SDK1: variants seen among roughly 807,000 people sequenced by gnomAD.
SDK1 encodes the protein sidekick cell adhesion molecule 1.
A neutral mutation model predicts 245.5 loss-of-function variants in SDK1; 157 were observed. The ratio of observed to expected loss-of-function variants is 0.64; its 90% CI spans 0.56 to 0.73. The LOEUF (loss-of-function observed/expected upper bound fraction) is 0.73, where lower values mean the gene tolerates loss of function less well. Among genes scored for constraint, SDK1 ranks in the 30% least tolerant of loss-of-function variants. The probability of loss-of-function intolerance (pLI) is 0.00; values close to 1 mark genes in which losing one functional copy is unlikely to be tolerated. For missense variants in SDK1, 3,583 were observed against 3,002.3 expected (o/e 1.19, Z -4.52); for synonymous variants, 1,647 against 1,278.5 (o/e 1.29, Z -6.15).
intron 40 of SDK1, among the ~76,000 whole-genome samples, chr7:4,232,407 C>G: frequency 1.4e-5 from 1 of 73,194 alleles, no homozygotes; most frequent in Non-Finnish European, 2.6e-5. Context: ...CTTTTCTTTT[C>G]TTTCTTTTTT....
intron 1 of SDK1, among the ~76,000 whole-genome samples, chr7:3,583,479 G>C (rs1324226198): frequency 6.6e-6 from 1 of 152,198 alleles, no homozygotes; most frequent in Non-Finnish European, 1.5e-5. Flanking sequence ...GAGGAGCTAA[G>C]ACATTGGAAT....
chr7:4,116,917 T>C (rs1255198032), intron 25 of SDK1, among the ~76,000 whole-genome samples: 1 of 152,190 alleles, frequency 6.6e-6, no homozygotes, highest in East Asian at 1.9e-4. Flanking sequence ...TCGGCTCTCC[T>C]TCAGACTGAA....
rs1263187413 is a variant in SDK1 at position 4,107,643 on chromosome 7, G to A, written c.3325-3020G>A. On this transcript the variant is annotated intron_variant, in intron 22 of 44. Coordinates refer to ENST00000404826, the MANE Select transcript of SDK1 (RefSeq NM_152744.4). Reference sequence around the variant, plus strand: ...ATGCCACAGGGCCAGCATTCAACACGGAGGCACTTTGCACCCAGTAAAATC... The same window carrying A: ...ATGCCACAGGGCCAGCATTCAACACAGAGGCACTTTGCACCCAGTAAAATC... 2.6e-5 allele frequency among the ~76,000 whole-genome samples: 4 copies of A among 152,114 alleles called. No individual in the cohort carries two copies. In the East Asian group the frequency reaches 7.7e-4, roughly 29 times the overall value.
chr7:4,216,397 G>C (rs1459275997), intron 38 of SDK1, among the ~76,000 whole-genome samples: 14 of 152,184 alleles, frequency 9.2e-5, no homozygotes, highest in Admixed American at 9.2e-4. Context: ...ACTCCCGTCT[G>C]CTCCTCCCCG....
intron 1 of SDK1, among the ~76,000 whole-genome samples, chr7:3,320,294 A>G (rs910809387): frequency 1.3e-5 from 2 of 149,650 alleles, no homozygotes; most frequent in African/African-American, 2.5e-5. Context: ...TTTTCCCCCT[A>G]TCTCTTGTAA....
intron 5 of SDK1, among the ~76,000 whole-genome samples, chr7:3,866,111 G>A (rs558092334): frequency 1.3e-5 from 2 of 152,282 alleles, no homozygotes; most frequent in East Asian, 3.9e-4. Context: ...AGCTATTTTA[G>A]AATACATGCA....
At chr7:3,637,797 A>C (rs17133605) in intron 2 of SDK1, among the ~76,000 whole-genome samples, 98,182 of 152,154 alleles carry the variant, frequency 0.65, 32,150 homozygotes, top group South Asian at 0.79. Flanking sequence ...AACATCAGGG[A>C]ATACGTGGAG....
chr7:3,534,562 G>C (rs1315760222), intron 1 of SDK1, among the ~76,000 whole-genome samples: 1 of 151,618 alleles, frequency 6.6e-6, no homozygotes, highest in African/African-American at 2.4e-5. Context: ...TTTTTTGGTG[G>C]TCCCATCCCA....
chr7:3,736,572 A>T lies in SDK1; in HGVS notation c.714-84878A>T, dbSNP rs556810155. 6.6e-5 allele frequency among the ~76,000 whole-genome samples: 10 copies of T among 152,216 alleles called. No homozygotes were observed. In the South Asian group the frequency reaches 2.1e-3, roughly 32 times the overall value. On this transcript the variant is annotated intron_variant, in intron 4 of 44. Transcript: ENST00000404826. Reference sequence around the variant, plus strand: ...CAGGCGTGAGCCACCATGCCCGGCCACATTAGGGGTTCTTTTTAGCTGCTA... The same window carrying T: ...CAGGCGTGAGCCACCATGCCCGGCCTCATTAGGGGTTCTTTTTAGCTGCTA...
intron 41 of SDK1, among the ~76,000 whole-genome samples, chr7:4,235,762 C>T (rs1052773118): frequency 2.6e-5 from 4 of 152,228 alleles, no homozygotes; most frequent in Non-Finnish European, 5.9e-5. Flanking sequence ...GCAGAGCTGG[C>T]CTTGCCATGA....
intron 44 of SDK1, among the ~76,000 whole-genome samples, chr7:4,248,386 C>T (rs1226335087): frequency 6.6e-6 from 1 of 150,840 alleles, no homozygotes; most frequent in Admixed American, 6.6e-5. Flanking sequence ...CACCTAAATA[C>T]ACATATGCAC....
chr7:3,892,943 A>T (rs958410824), intron 5 of SDK1, among the ~76,000 whole-genome samples: 11 of 152,172 alleles, frequency 7.2e-5, no homozygotes, highest in African/African-American at 2.7e-4. Context: ...CTGCCAGCGC[A>T]CTTCACATGG....
chr7:3,622,667 C>A (rs1170714340), intron 2 of SDK1, among the ~76,000 whole-genome samples: 1 of 152,110 alleles, frequency 6.6e-6, no homozygotes, highest in Non-Finnish European at 1.5e-5. Context: ...TCATTGGAAA[C>A]ACAAGAAGAC....
intron 4 of SDK1, among the ~76,000 whole-genome samples, chr7:3,770,643 C>G (rs1469734612): frequency 6.6e-6 from 1 of 152,090 alleles, no homozygotes; most frequent in African/African-American, 2.4e-5. Context: ...CTGTGGCTGC[C>G]CAGCTGCCTT....
At chr7:3,844,762 C>G (rs1342811578) in intron 5 of SDK1, among the ~76,000 whole-genome samples, 1 of 152,166 alleles carries the variant, frequency 6.6e-6, no homozygotes, top group Non-Finnish European at 1.5e-5. Context: ...GCCTTGGAGA[C>G]AGAAGTCAGA....
At chr7:3,904,527 C>A (rs1035649979) in intron 5 of SDK1, among the ~76,000 whole-genome samples, 1 of 151,996 alleles carries the variant, frequency 6.6e-6, no homozygotes, top group African/African-American at 2.4e-5. Flanking sequence ...GACCCTGTCT[C>A]TACAAGAAAT....
intron 5 of SDK1, among the ~76,000 whole-genome samples, chr7:3,923,351 G>A (rs935572120): frequency 3.3e-5 from 5 of 152,138 alleles, no homozygotes; most frequent in Admixed American, 6.5e-5. Context: ...TGTGCAGGCT[G>A]TATTGAGAGC....
At chr7:3,942,089 G>A (rs767478941) in intron 5 of SDK1, among the ~76,000 whole-genome samples, 16 of 151,992 alleles carry the variant, frequency 1.1e-4, no homozygotes, top group Admixed American at 5.2e-4. Context: ...TGTATTTTTA[G>A]TGGAGACGGG....
intron 1 of SDK1, among the ~76,000 whole-genome samples, chr7:3,555,721 T>C (rs1366415314): frequency 6.6e-6 from 1 of 152,082 alleles, no homozygotes; most frequent in Non-Finnish European, 1.5e-5. Context: ...AGCAACTCTA[T>C]AGGAAAATAT....
Sources: gnomAD v4.1 joint callset for allele counts (sites outside exome capture counted in the v4.1 genomes callset) on GRCh38, gnomAD v4.1.1 for gene constraint, MANE v1.5 for transcripts, NCBI Gene and HGNC (gene_info 2026-07-23, HGNC 2026-07-21) for gene names.